Variants in DNMT1 observed in about 807,000 individuals in gnomAD.
DNMT1 encodes DNA (cytosine-5)-methyltransferase 1.
DNMT1 carries 24 observed loss-of-function variants against 205.3 expected under a neutral mutation model. The ratio of observed to expected loss-of-function variants is 0.12; its 90% CI spans 0.08 to 0.16. The LOEUF (loss-of-function observed/expected upper bound fraction) is 0.16. DNMT1 is among the 10% of genes least tolerant of loss of function. The pLI is 1.00. For synonymous variants in DNMT1, 817 were observed against 839.8 expected, an observed-to-expected ratio of 0.97 and a Z score of 0.47; for missense variants, 1,293 against 2,177.7, an observed-to-expected ratio of 0.59 and a Z score of 8.09.
chr19:10,161,259 C>T (rs927662202), intron 13 of DNMT1, among the ~76,000 whole-genome samples: 2 of 151,998 alleles, frequency 1.3e-5, no homozygotes, highest in Admixed American at 6.6e-5. Flanking sequence ...GAGCCGATGT[C>T]GCACCACTGT....
intron 10 of DNMT1, among the ~76,000 whole-genome samples, chr19:10,167,031 G>T (rs567069945): frequency 6.6e-6 from 1 of 152,132 alleles, no homozygotes; most frequent in East Asian, 1.9e-4. Flanking sequence ...GCTGATGTGC[G>T]ATCAGCGTCA....
intron 17 of DNMT1, among the ~76,000 whole-genome samples, chr19:10,158,823 G>A (rs2038509292): frequency 1.3e-5 from 2 of 152,160 alleles, no homozygotes; most frequent in Admixed American, 6.5e-5. Context: ...TCCGAGCCCT[G>A]GTAATGGTGT....
rs528138174 is a variant in DNMT1 at position 10,146,252 on chromosome 19, C to A, written c.2894+99G>T. 7.0e-7 allele frequency: 1 copy of A among 1,429,406 alleles called. No individual in the cohort carries two copies. 88.5% of individuals were successfully genotyped at this position (1,429,406 alleles called of 1,614,324 possible). A position where few individuals can be genotyped will look rare whatever the true frequency, so the allele number is the denominator to read the frequency against. On this transcript the variant is annotated intron_variant, in intron 28 of 40. Coordinates refer to ENST00000359526, the MANE Select transcript of DNMT1 (RefSeq NM_001130823.3). The surrounding 1 kb of genome is among the most constrained non-coding windows in gnomAD (Gnocchi z 4.4). ...GTGACGGCTAGGACAACAGCTGGTG[C>A]GGAGGGATTGGCAATGTCTGTAAGG...
rs202126672 is a variant in DNMT1 at position 10,149,897 on chromosome 19, G to A, written c.2337C>T (p.Val779=). 1 of 1,614,198 alleles carries A rather than the reference G, an allele frequency of 6.2e-7. No homozygotes were observed. The highest frequency in any genetic ancestry group is 1.1e-5 in the South Asian group (1 of 91,086). Residue 779 remains valine (V), a synonymous_variant, in exon 25 of 41, where the codon GTC becomes GTT. Coordinates refer to ENST00000359526, the MANE Select transcript of DNMT1 (RefSeq NM_001130823.3). ...TTGAGGAATCATCTGGAATAACAGA[G>A]ACACAGTCCCCCACTTCCAGGGTTT... ...DAETLEVGDC[V]SVIPDDSSKP...
intron 1 of DNMT1, among the ~76,000 whole-genome samples, chr19:10,185,505 T>C (rs941540871): frequency 2.6e-4 from 40 of 151,330 alleles, no homozygotes; most frequent in African/African-American, 8.5e-4. Context: ...CTGTATATTA[T>C]ATATACTGTA....
chr19:10,173,836 T>A (rs751501853), intron 8 of DNMT1, 35 bp downstream of exon 8: 1 of 1,611,978 alleles, frequency 6.2e-7, no homozygotes, highest in Non-Finnish European at 8.5e-7. Flanking sequence ...ACACAACTCG[T>A]AGAACAAAAA....
chr19:10,191,624 C>G (rs1262496257), intron 1 of DNMT1, among the ~76,000 whole-genome samples: 1 of 152,108 alleles, frequency 6.6e-6, no homozygotes, highest in African/African-American at 2.4e-5. Context: ...AAGGGAAAGG[C>G]TTTGGCAAGC....
chr19:10,171,754 G>T (rs995724184), intron 9 of DNMT1, among the ~76,000 whole-genome samples: 2 of 151,626 alleles, frequency 1.3e-5, no homozygotes, highest in Non-Finnish European at 2.9e-5. Flanking sequence ...GCAGTGAGCG[G>T]AGATCAAGCC....
chr19:10,135,154 G>A (rs889123213), intron 39 of DNMT1, among the ~76,000 whole-genome samples: 48 of 150,934 alleles, frequency 3.2e-4, no homozygotes, highest in Non-Finnish European at 5.0e-4. Context: ...TGGAAGTTGC[G>A]GTGAGCTGAG....
intron 28 of DNMT1, among the ~76,000 whole-genome samples, chr19:10,145,525 G>A (rs2038179039): frequency 6.6e-6 from 1 of 152,198 alleles, no homozygotes; most frequent in African/African-American, 2.4e-5. Flanking sequence ...AACACAGAAT[G>A]GATCAGTGTG....
At chr19:10,147,129 G>A (rs946086038) in intron 27 of DNMT1, among the ~76,000 whole-genome samples, 2 of 152,076 alleles carry the variant, frequency 1.3e-5, no homozygotes, top group African/African-American at 2.4e-5. Context: ...AGGCAGGGTG[G>A]TGCATGCCTG....
chr19:10,187,640 C>T (rs796174300), intron 1 of DNMT1, among the ~76,000 whole-genome samples: 8 of 151,838 alleles, frequency 5.3e-5, no homozygotes, highest in South Asian at 2.1e-4. Flanking sequence ...GAGGCCGAGG[C>T]GGAAGGATCA....
chr19:10,188,445 C>T (rs1030701046), intron 1 of DNMT1, among the ~76,000 whole-genome samples: 1 of 151,948 alleles, frequency 6.6e-6, no homozygotes, highest in African/African-American at 2.4e-5. Context: ...GAGGCTGAGG[C>T]ACAAGAATCA....
chr19:10,160,049 A>G lies in DNMT1; in HGVS notation c.1058T>C (p.Met353Thr), dbSNP rs544428951. The change falls in exon 15 of 41, where the codon ATG becomes ACG. Residue 353 changes from methionine to threonine, a missense_variant. Physicochemically the swap from Met to Thr is moderately conservative, Grantham distance 81. Transcript: ENST00000359526. ...GTTCATGACTGTTTTGGCGCGAGCC[A>G]TTTTTTTCTCCGTTCTGGGGGAAAA... ...TTPKEPTEKKMARAKTVMNSK... is the reference protein window; with the variant it reads ...TTPKEPTEKKTARAKTVMNSK... The G allele has an allele frequency of 1.1e-5, 17 of 1,590,544 alleles. No individual in the cohort carries two copies. Among genetic ancestry groups the G allele is most frequent in the Admixed American group, 1.7e-5 (1 of 57,466 alleles).
chr19:10,135,560 ACTCGGATGT>A (rs2089461011), intron 39 of DNMT1, 167 bp downstream of exon 39: 1 of 681,522 alleles, frequency 1.5e-6, no homozygotes. Flanking sequence ...ACGCAGCCTG[ACTCGGATGT>A]CTCAGCACTG....
In DNMT1 at chr19:10,140,471, G is replaced by C. The variant is rs201132828; in HGVS notation, c.3524-143C>G. 1.6e-6 allele frequency: 2 copies of C among 1,260,428 alleles called. No individual in the cohort carries two copies. The highest frequency in any genetic ancestry group is 5.1e-5 in the East Asian group (2 of 39,446). 78.1% of individuals were successfully genotyped at this position (1,260,428 alleles called of 1,614,324 possible). On this transcript the variant is annotated intron_variant, in intron 32 of 40. Transcript: ENST00000359526. The surrounding 1 kb of genome is among the most constrained non-coding windows in gnomAD (Gnocchi z 8.4). ...TGCAAGCTCTGCCTCCCAGGTTCAAGCGATTCTCCCACCTCAGCCTCCTGA... is the reference window on the plus strand; with the variant it reads ...TGCAAGCTCTGCCTCCCAGGTTCAACCGATTCTCCCACCTCAGCCTCCTGA...
At chr19:10,175,334 A>T (rs1307709588) in intron 7 of DNMT1, among the ~76,000 whole-genome samples, 1 of 152,024 alleles carries the variant, frequency 6.6e-6, no homozygotes, top group Non-Finnish European at 1.5e-5. Context: ...CAAACGAATT[A>T]TATATATATA....
chr19:10,158,277 G>A (rs2038496714), intron 17 of DNMT1, among the ~76,000 whole-genome samples: 1 of 152,150 alleles, frequency 6.6e-6, no homozygotes, highest in South Asian at 2.1e-4. Flanking sequence ...CCTGCTTTGG[G>A]CCAGGCCTCG....
intron 1 of DNMT1, among the ~76,000 whole-genome samples, chr19:10,183,728 T>C (rs138928220): frequency 0.015 from 2,348 of 151,732 alleles, 66 homozygotes; most frequent in African/African-American, 0.054. Flanking sequence ...AATACAAAAA[T>C]TAGCCAGGCG....
Sources: gnomAD v4.1 joint callset for allele counts (sites outside exome capture counted in the v4.1 genomes callset) on GRCh38, gnomAD v4.1.1 for gene constraint, Gnocchi (gnomAD v3.1) non-coding constraint, MANE v1.5 for transcripts, NCBI Gene and HGNC (gene_info 2026-07-23, HGNC 2026-07-21) for gene names.